The following VTI1A variants were observed in gnomAD, a reference collection of about 807,000 sequenced individuals.
The protein encoded by VTI1A is vesicle transport through interaction with t-SNAREs 1A, also known as vesicle transport through interaction with t-SNAREs homolog 1A.
VTI1A carries 22 observed loss-of-function variants against 34.9 expected under a neutral mutation model. That is an observed-to-expected ratio of 0.63 (90% CI 0.45 to 0.90). The LOEUF is 0.90. VTI1A is among the 40% of genes least tolerant of loss of function. The pLI, the probability that VTI1A is intolerant of heterozygous loss-of-function variation, is 0.00. For synonymous variants in VTI1A, 87 were observed against 97.3 expected (o/e 0.89, Z 0.62); for missense variants, 268 against 275.6 (o/e 0.97, Z 0.20).
chr10:112,810,778 G>C (rs1268023953), intron 7 of VTI1A, among the ~76,000 whole-genome samples: 2 of 152,214 alleles, frequency 1.3e-5, no homozygotes, highest in Non-Finnish European at 2.9e-5. Flanking sequence ...GCTGTACACA[G>C]GAAGCGGATG....
intron 7 of VTI1A, among the ~76,000 whole-genome samples, chr10:112,758,907 A>G (rs915512936): frequency 1.2e-4 from 18 of 152,198 alleles, no homozygotes; most frequent in African/African-American, 3.9e-4. Context: ...GCAACATGGC[A>G]TCTACAAGGT....
intron 7 of VTI1A, among the ~76,000 whole-genome samples, chr10:112,697,389 CTTTTCTTTTCT>C (rs1373179975): frequency 0.033 from 4,595 of 138,164 alleles, 196 homozygotes; most frequent in African/African-American, 0.12. Flanking sequence ...CTTTTCTTTT[CTTTTCTTTTCT>C]TTTTTTTTTT....
At chr10:112,676,419 T>G (rs1424168857) in intron 7 of VTI1A, among the ~76,000 whole-genome samples, 2 of 152,134 alleles carry the variant, frequency 1.3e-5, no homozygotes, top group Admixed American at 6.5e-5. Context: ...TCTCTGTGCT[T>G]CTTCTTCCCT....
At chr10:112,850,679 G>GC in the VTI1A span, among the ~76,000 whole-genome samples, 2 of 152,036 alleles carry the variant, frequency 1.3e-5, no homozygotes, top group Non-Finnish European at 2.9e-5. Context: ...TAAAATGAGG[G>GC]CCCCCCAAAT....
At chr10:112,726,266 C>A (rs1052983426) in intron 7 of VTI1A, among the ~76,000 whole-genome samples, 1 of 152,194 alleles carries the variant, frequency 6.6e-6, no homozygotes, top group Non-Finnish European at 1.5e-5. Flanking sequence ...AAATCAGATA[C>A]CCCAGCTCAT....
chr10:112,524,247 A>C (rs1397299227), intron 3 of VTI1A, among the ~76,000 whole-genome samples: 1 of 152,136 alleles, frequency 6.6e-6, no homozygotes, highest in African/African-American at 2.4e-5. Flanking sequence ...AATGTTGGGC[A>C]TCTAAATATA....
intron 7 of VTI1A, 32 bp from the exon 8 acceptor site, chr10:112,815,256 CTG>C (rs757630981): frequency 5.8e-6 from 9 of 1,554,306 alleles, no homozygotes; most frequent in East Asian, 2.4e-5. Flanking sequence ...TTCCACTTAT[CTG>C]TGTGTGTTTT....
At position 112,538,226 on chromosome 10, in the gene VTI1A, T is replaced by C. The variant is rs761126211; in HGVS notation, c.343-20T>C. On this transcript the variant is annotated intron_variant, in intron 4 of 7. Transcript: ENST00000393077. ...TGTAGACGGCCGTCTGATTTTTTTT[T>C]CCCCCTTTTTCTTTTTCAGAGGGCA... 1.7e-5 allele frequency: 27 copies of C among 1,604,630 alleles called. No individual in the cohort carries two copies. In the East Asian group the frequency reaches 2.0e-4, roughly 12 times the overall value.
At chr10:112,685,431 G>A (rs1351608880) in intron 7 of VTI1A, among the ~76,000 whole-genome samples, 1 of 152,084 alleles carries the variant, frequency 6.6e-6, no homozygotes, top group African/African-American at 2.4e-5. Flanking sequence ...TAATGCTGCT[G>A]TTGCATTACT....
At chr10:112,751,812 T>A (rs1425700586) in intron 7 of VTI1A, among the ~76,000 whole-genome samples, 3 of 151,874 alleles carry the variant, frequency 2.0e-5, no homozygotes, top group Non-Finnish European at 2.9e-5. Flanking sequence ...AGGTGAGGAG[T>A]TGATCTCCAA....
In VTI1A at chr10:112,818,554, T is replaced by C. The variant is rs577472994; in HGVS notation, c.*3171T>C. 1 of 224,534 alleles carries C rather than the reference T, an allele frequency of 4.5e-6. No homozygotes were observed. Among genetic ancestry groups the C allele is most frequent in the South Asian group, 1.8e-4 (1 of 5,444 alleles). 13.9% of individuals were successfully genotyped at this position (224,534 alleles called of 1,614,324 possible). The stretch of plus-strand genomic sequence containing the variant: ...GCTGCTGTATTTGAAGTTGTAATGG[T>C]GTCAAAAAGTCACGACTGACTGACA... On this transcript the variant is annotated 3_prime_UTR_variant, in exon 8 of 8. Transcript: ENST00000393077.
intron 5 of VTI1A, among the ~76,000 whole-genome samples, chr10:112,649,229 C>T (rs577837636): frequency 2.0e-5 from 3 of 152,272 alleles, no homozygotes; most frequent in East Asian, 1.9e-4. Flanking sequence ...ACTGCTAATT[C>T]GTATTCAAAG....
chr10:112,711,242 T>C (rs1849404465), intron 7 of VTI1A, among the ~76,000 whole-genome samples: 2 of 152,310 alleles, frequency 1.3e-5, no homozygotes, highest in African/African-American at 4.8e-5. Context: ...AATCATCAGA[T>C]TGTGCAGAAT....
intron 5 of VTI1A, among the ~76,000 whole-genome samples, chr10:112,641,173 G>A (rs1846555995): frequency 6.6e-6 from 1 of 151,968 alleles, no homozygotes; most frequent in South Asian, 2.1e-4. Context: ...ATCTGAGCAG[G>A]CTTGTTGAGC....
chr10:112,579,319 T>C (rs1306017343), intron 5 of VTI1A, among the ~76,000 whole-genome samples: 1 of 152,210 alleles, frequency 6.6e-6, no homozygotes, highest in Non-Finnish European at 1.5e-5. Flanking sequence ...AAAGAGCTCA[T>C]TGAATAAGCA....
intron 3 of VTI1A, among the ~76,000 whole-genome samples, chr10:112,509,724 G>A (rs550504905): frequency 7.9e-5 from 12 of 152,322 alleles, no homozygotes; most frequent in African/African-American, 2.4e-4. Flanking sequence ...GAGTCCTCAC[G>A]TCTGTGAAGA....
At chr10:112,709,817 GGT>G in intron 7 of VTI1A, among the ~76,000 whole-genome samples, 1 of 145,976 alleles carries the variant, frequency 6.9e-6, no homozygotes, top group Admixed American at 6.9e-5. Context: ...CGGCCTCCCA[GGT>G]AGGTGGGACT....
chr10:112,784,889 A>T (rs1349579411), intron 7 of VTI1A, among the ~76,000 whole-genome samples: 1 of 152,234 alleles, frequency 6.6e-6, no homozygotes, highest in Non-Finnish European at 1.5e-5. Context: ...CTGACTTTTT[A>T]AAAGGTCCAT....
intron 5 of VTI1A, among the ~76,000 whole-genome samples, chr10:112,546,548 G>A (rs1054122956): frequency 3.9e-5 from 6 of 152,198 alleles, no homozygotes; most frequent in African/African-American, 1.4e-4. Flanking sequence ...AGGAACATGT[G>A]AGTAGGCATT....
Sources: allele counts gnomAD v4.1 joint callset (sites outside exome capture counted in the v4.1 genomes callset), GRCh38; gene constraint gnomAD v4.1.1; transcripts MANE v1.5; gene names NCBI Gene and HGNC (gene_info 2026-07-23, HGNC 2026-07-21).